The following RBM26 variants were observed in gnomAD, a reference collection of about 807,000 sequenced individuals.
RBM26 encodes the protein RNA binding motif protein 26, also known as RNA-binding protein 26.
RBM26 carries 30 observed loss-of-function variants against 123.6 expected under a neutral mutation model. The ratio of observed to expected loss-of-function variants is 0.24; its 90% CI spans 0.18 to 0.33. The LOEUF (loss-of-function observed/expected upper bound fraction) is 0.33, where lower values mean the gene tolerates loss of function less well. Ranked by LOEUF, RBM26 falls within the 10% of genes least tolerant of loss-of-function variation. RBM26 has a pLI of 1.00. For synonymous variants in RBM26, 400 were observed against 404.4 expected, an observed-to-expected ratio of 0.99 and a Z score of 0.13; for missense variants, 947 against 1,203.6, an observed-to-expected ratio of 0.79 and a Z score of 3.15.
chr13:79,373,573 A>G (rs187738001), intron 3 of RBM26, among the ~76,000 whole-genome samples: 4 of 54,180 alleles, frequency 7.4e-5, no homozygotes, highest in Admixed American at 2.3e-4. Flanking sequence ...TATTTATATA[A>G]TATATTTATA....
intron 1 of RBM26, among the ~76,000 whole-genome samples, chr13:79,402,340 T>C (rs2079120628): frequency 6.6e-6 from 1 of 152,076 alleles, no homozygotes; most frequent in Admixed American, 6.5e-5. Flanking sequence ...TTTTCAATAA[T>C]TTATGAAACT....
chr13:79,394,550 G>A (rs1020095131), intron 1 of RBM26, among the ~76,000 whole-genome samples: 11 of 152,030 alleles, frequency 7.2e-5, no homozygotes, highest in South Asian at 2.1e-4. Flanking sequence ...TCTCTATTCC[G>A]TGCCTTTCTC....
At chr13:79,331,112 G>A (rs1024237593) in intron 20 of RBM26, among the ~76,000 whole-genome samples, 6 of 152,118 alleles carry the variant, frequency 3.9e-5, no homozygotes. Context: ...CTGGGCTCAG[G>A]TGATCCTCCC....
intron 1 of RBM26, among the ~76,000 whole-genome samples, chr13:79,383,424 A>G (rs2077226971): frequency 6.6e-6 from 1 of 151,966 alleles, no homozygotes. Flanking sequence ...AGTTACTAAG[A>G]GAGAGAATAT....
chr13:79,355,486 T>A, intron 11 of RBM26, 102 bp from the exon 12 acceptor site: 4 of 839,236 alleles, frequency 4.8e-6, no homozygotes, highest in Non-Finnish European at 7.4e-6. Flanking sequence ...CCAAGTAAGA[T>A]TCTGTATTTA....
At chr13:79,363,886 G>A (rs898449412) in intron 9 of RBM26, among the ~76,000 whole-genome samples, 1 of 152,166 alleles carries the variant, frequency 6.6e-6, no homozygotes, top group Non-Finnish European at 1.5e-5. Flanking sequence ...CCAGTAAAAT[G>A]TTAATTGAAG....
At chr13:79,344,577 G>T in intron 15 of RBM26, 92 bp downstream of exon 15, 1 of 1,156,012 alleles carries the variant, frequency 8.7e-7, no homozygotes. Flanking sequence ...CACCCTTGTA[G>T]TCTTATTTTG....
intron 20 of RBM26, among the ~76,000 whole-genome samples, chr13:79,323,336 C>T (rs540291113): frequency 1.3e-5 from 2 of 151,466 alleles, no homozygotes; most frequent in Non-Finnish European, 3.0e-5. Context: ...TGATATTTGA[C>T]ATAAGTTGTG....
chr13:79,363,166 C>T (rs1450194809), intron 9 of RBM26, among the ~76,000 whole-genome samples: 1 of 152,136 alleles, frequency 6.6e-6, no homozygotes, highest in Non-Finnish European at 1.5e-5. Flanking sequence ...GCCCAAATTT[C>T]TTTCCTTTTG....
chr13:79,402,471 C>G (rs76520285), intron 1 of RBM26, among the ~76,000 whole-genome samples: 4,268 of 150,932 alleles, frequency 0.028, 169 homozygotes, highest in African/African-American at 0.084. Flanking sequence ...TCTGAAAACC[C>G]TCTTGCCCTA....
intron 6 of RBM26, among the ~76,000 whole-genome samples, 163 bp from the exon 7 acceptor site, chr13:79,367,035 T>C (rs1300259539): frequency 6.6e-6 from 1 of 152,262 alleles, no homozygotes; most frequent in African/African-American, 2.4e-5. Flanking sequence ...TCCAGTAATA[T>C]AAATACTTGT....
At chr13:79,318,104 G>C (rs1303177017), downstream of RBM26, among the ~76,000 whole-genome samples, 1 of 151,474 alleles carries the variant, frequency 6.6e-6, no homozygotes, top group Non-Finnish European at 1.5e-5. Flanking sequence ...TGTATTAAAA[G>C]GGAGGGTATA....
intron 1 of RBM26, among the ~76,000 whole-genome samples, chr13:79,403,490 T>C (rs1364712414): frequency 6.6e-6 from 1 of 152,230 alleles, no homozygotes; most frequent in Non-Finnish European, 1.5e-5. Context: ...GTAAATCTAA[T>C]ATGAAACTGA....
At chr13:79,358,170 A>C in intron 11 of RBM26, 104 bp downstream of exon 11, 4 of 1,032,966 alleles carry the variant, frequency 3.9e-6, no homozygotes, top group Non-Finnish European at 5.4e-6. Context: ...GGCGTGAACC[A>C]CCATGCCCAG....
At chr13:79,332,074 T>C (rs563031252) in intron 20 of RBM26, among the ~76,000 whole-genome samples, 1 of 152,190 alleles carries the variant, frequency 6.6e-6, no homozygotes, top group Admixed American at 6.5e-5. Flanking sequence ...TCTTGTACTT[T>C]CATCTTGAAA....
intron 20 of RBM26, among the ~76,000 whole-genome samples, chr13:79,330,935 C>T (rs1312878407): frequency 6.6e-6 from 1 of 152,144 alleles, no homozygotes; most frequent in Non-Finnish European, 1.5e-5. Flanking sequence ...AACACACACA[C>T]ATACACACAC....
intron 1 of RBM26, among the ~76,000 whole-genome samples, chr13:79,401,780 G>A (rs943358114): frequency 5.3e-5 from 8 of 152,120 alleles, no homozygotes; most frequent in East Asian, 1.9e-4. Flanking sequence ...GGAAAGAGGA[G>A]GTTTCTTTGC....
At chr13:79,345,978 A>T (rs914724713) in intron 14 of RBM26, among the ~76,000 whole-genome samples, 1 of 152,218 alleles carries the variant, frequency 6.6e-6, no homozygotes, top group Non-Finnish European at 1.5e-5. Flanking sequence ...TACGAATGCT[A>T]TAAAACTAAA....
Position 79,366,747 on chromosome 13 carries a change from G to A in RBM26, c.1021C>T (p.Pro341Ser), listed in dbSNP as rs374019834. 1 of 1,613,724 alleles carries A rather than the reference G, an allele frequency of 6.2e-7. No individual in the cohort carries two copies. Among genetic ancestry groups the A allele is most frequent in the African/African-American group, 1.3e-5 (1 of 74,926 alleles). ...FPAQPPVVEG[P>S]PPPGLPPPPP... The stretch of plus-strand genomic sequence containing the variant: ...GGTGGGGGGAGTCCAGGAGGAGGTG[G>A]TCCTTCAACAACAGGAGGCTGTGCT... Residue 341 changes from proline to serine, a missense_variant, in exon 7 of 22, where the codon CCA becomes TCA. Transcript: ENST00000438737.
Sources: allele counts gnomAD v4.1 joint callset (sites outside exome capture counted in the v4.1 genomes callset), GRCh38; gene constraint gnomAD v4.1.1; transcripts MANE v1.5; gene names NCBI Gene and HGNC (gene_info 2026-07-23, HGNC 2026-07-21).